Variants in PTPRK observed in about 807,000 individuals in gnomAD.
PTPRK encodes the protein receptor-type tyrosine-protein phosphatase kappa.
A neutral mutation model predicts 178.0 loss-of-function variants in PTPRK; 75 were observed. That is an observed-to-expected ratio of 0.42 (90% confidence interval 0.35 to 0.51). PTPRK has a LOEUF of 0.51. Ranked by LOEUF, PTPRK falls within the 20% of genes least tolerant of loss-of-function variation. PTPRK has a pLI of 0.02. For synonymous variants in PTPRK, 637 were observed against 620.6 expected, an observed-to-expected ratio of 1.03 and a Z score of -0.39; for missense variants, 1,441 against 1,797.8, an observed-to-expected ratio of 0.80 and a Z score of 3.59.
chr6:128,225,882 GAA>G (rs915453551), intron 5 of PTPRK, among the ~76,000 whole-genome samples: 7 of 152,182 alleles, frequency 4.6e-5, no homozygotes, highest in Non-Finnish European at 7.3e-5. Context: ...GACAGAGAGA[GAA>G]AGAGGTGGTG....
intron 7 of PTPRK, among the ~76,000 whole-genome samples, chr6:128,100,939 C>A (rs1043582333): frequency 6.6e-6 from 1 of 151,870 alleles, no homozygotes; most frequent in African/African-American, 2.4e-5. Context: ...AAGATATTTT[C>A]TATTAAAATC....
At chr6:128,025,207 A>C (rs182049746) in intron 13 of PTPRK, among the ~76,000 whole-genome samples, 43 of 152,226 alleles carry the variant, frequency 2.8e-4, no homozygotes, top group Admixed American at 2.1e-3. Flanking sequence ...AAGACACTCC[A>C]CTCTCTCCCT....
chr6:128,373,858 G>A (rs1836645487), intron 2 of PTPRK, among the ~76,000 whole-genome samples: 1 of 151,928 alleles, frequency 6.6e-6, no homozygotes, highest in African/African-American at 2.4e-5. Context: ...ATTCTCTTGA[G>A]CAACAAAATT....
At position 128,520,287 on chromosome 6, in the gene PTPRK, C is replaced by T. The variant is rs1398340482; in HGVS notation, c.72G>A (p.Leu24=). 6.2e-7 allele frequency: 1 copy of T among 1,607,150 alleles called. No homozygotes were observed. Among genetic ancestry groups the T allele is most frequent in the South Asian group, 1.1e-5 (1 of 89,828 alleles). Residue 24 remains leucine, a synonymous_variant, in exon 1 of 30, where the codon CTG becomes CTA. Coordinates refer to ENST00000368226, the MANE Select transcript of PTPRK (RefSeq NM_002844.4). ...CGGAGAACTGGCCTTGGGCCGATCCCAGGAGAGGCCAAGGAGAGAGGAGCA... is the reference window on the plus strand; with the variant it reads ...CGGAGAACTGGCCTTGGGCCGATCCTAGGAGAGGCCAAGGAGAGAGGAGCA... ...ALLLLSPWPL[L]GSAQGQFSAG... is the part of the protein sequence containing the mutation.
chr6:127,981,881 G>A (rs1775379212), intron 24 of PTPRK, among the ~76,000 whole-genome samples: 1 of 152,162 alleles, frequency 6.6e-6, no homozygotes, highest in Admixed American at 6.5e-5. Flanking sequence ...AGGTTGGAGT[G>A]CAGTGGCAAT....
chr6:128,308,257 C>G (rs977307148), intron 3 of PTPRK, among the ~76,000 whole-genome samples: 17 of 151,554 alleles, frequency 1.1e-4, no homozygotes, highest in Non-Finnish European at 2.4e-4. Context: ...AAATGATGAA[C>G]AAAAAATTCA....
At chr6:128,262,184 CA>C (rs1212709119) in intron 3 of PTPRK, among the ~76,000 whole-genome samples, 1 of 152,142 alleles carries the variant, frequency 6.6e-6, no homozygotes, top group Non-Finnish European at 1.5e-5. Flanking sequence ...AGTTAAACTG[CA>C]ACTCAAAACT....
intron 29 of PTPRK, 47 bp from the exon 30 acceptor site, chr6:127,970,327 C>T: frequency 6.7e-7 from 1 of 1,482,960 alleles, no homozygotes; most frequent in Non-Finnish European, 9.4e-7. Flanking sequence ...AAGAAAGAGA[C>T]TAATGTTGAA....
At position 128,078,908 on chromosome 6, in the gene PTPRK, T is replaced by C; in HGVS notation, c.1788A>G (p.Leu596=). 1 of 1,608,310 alleles carries C rather than the reference T, an allele frequency of 6.2e-7. No individual in the cohort carries two copies. Among genetic ancestry groups the C allele is most frequent in the Non-Finnish European group, 8.5e-7 (1 of 1,175,182 alleles). The change falls in exon 11 of 30, where the codon TTA becomes TTG. Residue 596 remains leucine, a synonymous_variant. Coordinates refer to ENST00000368226, the MANE Select transcript of PTPRK (RefSeq NM_002844.4). The part of the protein sequence containing the change: ...NVTTNISAPT[L]PDYEGVDASL... ...AGGCATCAACTCCTTCATAGTCAGG[T>C]AAAGTTGGAGCTGATGAGTGATTAA...
intron 2 of PTPRK, among the ~76,000 whole-genome samples, chr6:128,342,431 C>A (rs1831795967): frequency 6.6e-6 from 1 of 152,080 alleles, no homozygotes; most frequent in African/African-American, 2.4e-5. Flanking sequence ...GCCCCAAAAG[C>A]CAATTCTACA....
intron 13 of PTPRK, among the ~76,000 whole-genome samples, chr6:128,012,516 AT>A (rs577135378): frequency 3.3e-5 from 5 of 150,896 alleles, no homozygotes; most frequent in South Asian, 2.1e-4. Flanking sequence ...AATCTTTACC[AT>A]TTTTTTTATC....
chr6:128,445,200 T>G (rs909718520), intron 1 of PTPRK, among the ~76,000 whole-genome samples: 1 of 132,430 alleles, frequency 7.6e-6, no homozygotes, highest in East Asian at 2.1e-4. Context: ...ACTATTTTAT[T>G]TATATATATA....
chr6:128,484,466 C>G (rs1852532006), intron 1 of PTPRK, among the ~76,000 whole-genome samples: 1 of 151,940 alleles, frequency 6.6e-6, no homozygotes, highest in Non-Finnish European at 1.5e-5. Flanking sequence ...AAATTTCTAC[C>G]TAGAGGCTTT....
At chr6:128,333,711 C>T (rs189802522) in intron 2 of PTPRK, among the ~76,000 whole-genome samples, 245 of 152,248 alleles carry the variant, frequency 1.6e-3, no homozygotes, top group African/African-American at 5.6e-3. Flanking sequence ...TTCTCCCTGT[C>T]AGCAATAAGG....
chr6:128,282,007 G>A (rs1021142152), intron 3 of PTPRK, among the ~76,000 whole-genome samples: 3 of 152,150 alleles, frequency 2.0e-5, no homozygotes, highest in African/African-American at 7.2e-5. Context: ...AGAAGGAAGT[G>A]ATAGCATAAG....
intron 15 of PTPRK, among the ~76,000 whole-genome samples, chr6:128,001,513 T>C (rs1310983270): frequency 6.6e-6 from 1 of 152,030 alleles, no homozygotes; most frequent in East Asian, 1.9e-4. Flanking sequence ...GTGTAATGAA[T>C]GTTTATATAA....
intron 13 of PTPRK, among the ~76,000 whole-genome samples, chr6:128,009,774 A>T (rs935447670): frequency 6.6e-6 from 1 of 151,270 alleles, no homozygotes; most frequent in Non-Finnish European, 1.5e-5. Flanking sequence ...TTTAATATAT[A>T]TAATTTGAGA....
intron 7 of PTPRK, among the ~76,000 whole-genome samples, chr6:128,150,151 TC>T (rs1192074119): frequency 1.3e-5 from 2 of 152,050 alleles, no homozygotes; most frequent in African/African-American, 4.8e-5. Context: ...TTAGCTACAA[TC>T]AATATAGCAG....
chr6:128,224,398 T>C (rs9385452), intron 5 of PTPRK, among the ~76,000 whole-genome samples: 4,900 of 152,268 alleles, frequency 0.032, 316 homozygotes, highest in East Asian at 0.31. Context: ...GCAGTATTCA[T>C]TTGACAAGTT....
Sources: gnomAD v4.1 joint callset for allele counts (sites outside exome capture counted in the v4.1 genomes callset) on GRCh38, gnomAD v4.1.1 for gene constraint, MANE v1.5 for transcripts, NCBI Gene and HGNC (gene_info 2026-07-23, HGNC 2026-07-21) for gene names.